The following LINGO2 variants were observed in gnomAD, a reference collection of about 807,000 sequenced individuals.
The protein encoded by LINGO2 is leucine rich repeat and Ig domain containing 2, also known as leucine-rich repeat and immunoglobulin-like domain-containing nogo receptor-interacting protein 2.
In LINGO2, 14 loss-of-function variants were observed where a neutral mutation model predicts 30.6. That is an observed-to-expected ratio of 0.46 (90% CI 0.30 to 0.72). The LOEUF is 0.72. LINGO2 is among the 30% of genes least tolerant of loss of function. The probability of loss-of-function intolerance (pLI) is 0.07; values close to 1 mark genes in which losing one functional copy is unlikely to be tolerated. For missense variants in LINGO2, 729 were observed against 751.7 expected, an observed-to-expected ratio of 0.97 and a Z score of 0.35; for synonymous variants, 317 against 288.5, an observed-to-expected ratio of 1.10 and a Z score of -1.00.
At chr9:28,321,608 G>A (rs536489242) in intron 3 of LINGO2, among the ~76,000 whole-genome samples, 1 of 152,314 alleles carries the variant, frequency 6.6e-6, no homozygotes, top group East Asian at 1.9e-4. Flanking sequence ...AAAATGAAGA[G>A]TGGAGAAGCA....
the LINGO2 span, among the ~76,000 whole-genome samples, chr9:29,110,158 A>T: frequency 6.6e-6 from 1 of 152,218 alleles, no homozygotes; most frequent in South Asian, 2.1e-4. Context: ...TGGATACTTT[A>T]GAAATATTTA....
At chr9:28,984,102 C>T in the LINGO2 span, among the ~76,000 whole-genome samples, 2 of 152,044 alleles carry the variant, frequency 1.3e-5, no homozygotes, top group African/African-American at 4.8e-5. Flanking sequence ...CTCATTTTAT[C>T]CTCCCAAAGA....
intron 3 of LINGO2, among the ~76,000 whole-genome samples, chr9:28,298,051 G>A (rs1823990470): frequency 6.6e-6 from 1 of 152,132 alleles, no homozygotes; most frequent in South Asian, 2.1e-4. Flanking sequence ...GGGGTCATAA[G>A]AAGTACCAAT....
At chr9:28,324,792 A>G (rs928888875) in intron 3 of LINGO2, among the ~76,000 whole-genome samples, 1 of 152,148 alleles carries the variant, frequency 6.6e-6, no homozygotes, top group African/African-American at 2.4e-5. Flanking sequence ...CATATAATCA[A>G]GAAGTAAAAA....
intron 1 of LINGO2, among the ~76,000 whole-genome samples, chr9:28,646,355 C>T (rs559538481): frequency 2.4e-4 from 37 of 152,202 alleles, no homozygotes; most frequent in African/African-American, 8.7e-4. Flanking sequence ...CTAAGGCACA[C>T]ACACATCACG....
intron 4 of LINGO2, among the ~76,000 whole-genome samples, chr9:28,224,254 C>G (rs182295106): frequency 4.6e-5 from 7 of 152,070 alleles, no homozygotes; most frequent in Non-Finnish European, 8.8e-5. Context: ...TTAGTAGAGA[C>G]GGGGTTTCAC....
intron 1 of LINGO2, among the ~76,000 whole-genome samples, chr9:28,526,184 C>A (rs1419962485): frequency 2.6e-5 from 4 of 151,546 alleles, no homozygotes; most frequent in African/African-American, 9.7e-5. Flanking sequence ...CTAAAAATTG[C>A]TATTGGAAAG....
At chr9:28,649,213 C>T (rs72715225) in intron 1 of LINGO2, among the ~76,000 whole-genome samples, 1 of 152,118 alleles carries the variant, frequency 6.6e-6, no homozygotes, top group African/African-American at 2.4e-5. Context: ...AAAGCATACT[C>T]CCAGAAAATG....
chr9:28,062,522 A>C (rs980218475), intron 4 of LINGO2, among the ~76,000 whole-genome samples: 1 of 143,020 alleles, frequency 7.0e-6, no homozygotes, highest in Non-Finnish European at 1.5e-5. Context: ...ACTATATTGT[A>C]TATACATATA....
chr9:28,138,662 C>G lies in LINGO2; in HGVS notation c.-86-126257G>C, dbSNP rs934565436. ...TATTCCACTTCCTTTTGTAGTGGAACTCTTGTCCTTAGGCCTCCTTTAAGA... is the reference window on the plus strand; with the variant it reads ...TATTCCACTTCCTTTTGTAGTGGAAGTCTTGTCCTTAGGCCTCCTTTAAGA... On this transcript the variant is annotated intron_variant, in intron 4 of 5. Coordinates refer to ENST00000379992, the Ensembl canonical transcript of LINGO2. Among the ~76,000 whole-genome samples the G allele has an allele frequency of 1.1e-3, 168 of 152,164 alleles. 3 individuals carry two copies. The highest frequency in any genetic ancestry group is 2.4e-4 in the Non-Finnish European group (16 of 68,022).
At chr9:28,545,781 G>A (rs1366081361) in intron 1 of LINGO2, among the ~76,000 whole-genome samples, 1 of 151,952 alleles carries the variant, frequency 6.6e-6, no homozygotes, top group Non-Finnish European at 1.5e-5. Context: ...TATACTTACT[G>A]TATATTGTGC....
chr9:28,753,817 A>C, the LINGO2 span, among the ~76,000 whole-genome samples: 1 of 152,010 alleles, frequency 6.6e-6, no homozygotes, highest in Non-Finnish European at 1.5e-5. Context: ...TGAGGAAAAG[A>C]ATACTCCATG....
chr9:28,506,085 T>C (rs1338504712), intron 1 of LINGO2, among the ~76,000 whole-genome samples: 1 of 151,774 alleles, frequency 6.6e-6, no homozygotes, highest in African/African-American at 2.4e-5. Flanking sequence ...ATTTATATTG[T>C]TATTATAGGT....
chr9:28,144,228 T>A (rs1340774294), intron 4 of LINGO2, among the ~76,000 whole-genome samples: 2 of 152,210 alleles, frequency 1.3e-5, no homozygotes, highest in African/African-American at 4.8e-5. Context: ...TGGGGGTAAA[T>A]GGCATATATA....
chr9:28,156,546 C>G (rs1398015206), intron 4 of LINGO2, among the ~76,000 whole-genome samples: 1 of 152,180 alleles, frequency 6.6e-6, no homozygotes, highest in Non-Finnish European at 1.5e-5. Context: ...TCTAAAATCT[C>G]AGGTAGATGG....
intron 3 of LINGO2, among the ~76,000 whole-genome samples, chr9:28,318,553 T>C (rs1824926283): frequency 6.6e-6 from 1 of 152,182 alleles, no homozygotes; most frequent in African/African-American, 2.4e-5. Context: ...ATGTGACACT[T>C]GTTTGGCTGA....
chr9:28,326,027 G>A (rs986388569), intron 3 of LINGO2, among the ~76,000 whole-genome samples: 13 of 152,066 alleles, frequency 8.5e-5, no homozygotes, highest in Admixed American at 3.3e-4. Context: ...GTTTTGTTTA[G>A]ACAAAGTCTC....
At chr9:28,015,397 C>A (rs1293106398) in intron 4 of LINGO2, among the ~76,000 whole-genome samples, 1 of 151,976 alleles carries the variant, frequency 6.6e-6, no homozygotes, top group East Asian at 1.9e-4. Flanking sequence ...ACACACAGGG[C>A]AATAATGTAT....
the LINGO2 span, among the ~76,000 whole-genome samples, chr9:28,997,678 C>T: frequency 2.8e-4 from 42 of 152,096 alleles, no homozygotes; most frequent in African/African-American, 9.6e-4. Context: ...AACAAATTAG[C>T]TGGGCATGGT....
Sources: gnomAD v4.1 joint callset for allele counts (sites outside exome capture counted in the v4.1 genomes callset) on GRCh38, gnomAD v4.1.1 for gene constraint, MANE v1.5 for transcripts, NCBI Gene and HGNC (gene_info 2026-07-23, HGNC 2026-07-21) for gene names.